DPP10: variants seen among roughly 807,000 people sequenced by gnomAD.
The protein encoded by DPP10 is dipeptidyl peptidase like 10.
In DPP10, 33 loss-of-function variants were observed where a neutral mutation model predicts 120.9. The observed-to-expected ratio is 0.27, with a 90% CI of 0.21 to 0.37. The LOEUF is 0.37. DPP10 is among the 10% of genes least tolerant of loss of function. The pLI is 1.00. For synonymous variants in DPP10, 337 were observed against 326.1 expected (o/e 1.03, Z -0.36); for missense variants, 816 against 942.8 (o/e 0.87, Z 1.76).
chr2:114,583,115 A>G (rs569302914), intron 1 of DPP10, among the ~76,000 whole-genome samples: 90 of 152,278 alleles, frequency 5.9e-4, no homozygotes, highest in Admixed American at 1.5e-3. Context: ...CTTTCTCTAT[A>G]TTAGCCTGTT....
intron 1 of DPP10, chr2:115,066,630 T>A (rs1309812393): frequency 6.6e-6 from 1 of 152,180 alleles, no homozygotes; most frequent in Non-Finnish European, 1.5e-5. Context: ...AATGGCCACC[T>A]GTCCCTAATA....
chr2:114,496,524 G>A (rs1314296363), intron 1 of DPP10, among the ~76,000 whole-genome samples: 1 of 152,080 alleles, frequency 6.6e-6, no homozygotes, highest in Non-Finnish European at 1.5e-5. Context: ...GTCCTCATAA[G>A]GTAGAAGTGC....
At chr2:115,651,551 A>G (rs553832865) in intron 5 of DPP10, among the ~76,000 whole-genome samples, 19 of 152,070 alleles carry the variant, frequency 1.2e-4, no homozygotes, top group Non-Finnish European at 2.2e-4. Flanking sequence ...ATCATTAGGA[A>G]TGGCTTAGAC....
intron 1 of DPP10, chr2:115,066,574 C>A (rs2105424143): frequency 6.6e-6 from 1 of 152,122 alleles, no homozygotes; most frequent in Non-Finnish European, 1.5e-5. Flanking sequence ...GCAATGGTAA[C>A]AACAAACTGT....
intron 11 of DPP10, among the ~76,000 whole-genome samples, chr2:115,756,819 G>A (rs935519428): frequency 6.6e-6 from 1 of 152,062 alleles, no homozygotes; most frequent in Admixed American, 6.6e-5. Flanking sequence ...AGATCGAGAG[G>A]TTGGCATCTG....
intron 1 of DPP10, chr2:115,144,322 G>A (rs1404231583): frequency 6.6e-6 from 1 of 152,100 alleles, no homozygotes; most frequent in African/African-American, 2.4e-5. Context: ...AATGTATCTT[G>A]TTCTTTGGCC....
At chr2:114,764,921 T>C (rs778940695) in intron 1 of DPP10, among the ~76,000 whole-genome samples, 1 of 152,190 alleles carries the variant, frequency 6.6e-6, no homozygotes, top group Non-Finnish European at 1.5e-5. Flanking sequence ...CTAGTTATTG[T>C]GACCTTGAGG....
intron 5 of DPP10, among the ~76,000 whole-genome samples, chr2:115,673,985 G>A (rs894914442): frequency 1.3e-5 from 2 of 152,210 alleles, no homozygotes; most frequent in Non-Finnish European, 2.9e-5. Context: ...ACCAAGGCGG[G>A]TGGATCACCT....
At chr2:114,663,604 TA>T (rs1241904167) in intron 1 of DPP10, among the ~76,000 whole-genome samples, 3 of 148,322 alleles carry the variant, frequency 2.0e-5, no homozygotes, top group Non-Finnish European at 4.4e-5. Context: ...TGTATGTACA[TA>T]TGTATATACA....
At chr2:114,473,194 C>T (rs1680078542) in intron 1 of DPP10, among the ~76,000 whole-genome samples, 2 of 152,060 alleles carry the variant, frequency 1.3e-5, no homozygotes, top group African/African-American at 4.8e-5. Context: ...TTATCTCTGG[C>T]AGTGAACAAT....
intron 3 of DPP10, among the ~76,000 whole-genome samples, chr2:115,477,595 T>A (rs2075168707): frequency 6.6e-6 from 1 of 152,138 alleles, no homozygotes; most frequent in Admixed American, 6.5e-5. Flanking sequence ...ATACACAGAT[T>A]AATGTAGTCC....
chr2:114,553,042 C>G (rs1473868361), intron 1 of DPP10, among the ~76,000 whole-genome samples: 3 of 152,178 alleles, frequency 2.0e-5, no homozygotes, highest in Non-Finnish European at 1.5e-5. Context: ...AGTCAATGCT[C>G]CCAGATGCAG....
At chr2:115,570,627 G>A (rs1425351326) in intron 5 of DPP10, among the ~76,000 whole-genome samples, 1 of 152,146 alleles carries the variant, frequency 6.6e-6, no homozygotes, top group African/African-American at 2.4e-5. Flanking sequence ...AGTTAATGCT[G>A]TGTGGTGTTG....
intron 1 of DPP10, among the ~76,000 whole-genome samples, chr2:114,766,795 G>A (rs905186769): frequency 1.3e-5 from 2 of 152,170 alleles, no homozygotes; most frequent in African/African-American, 4.8e-5. Context: ...ATAGGGGTAG[G>A]ATTTGAATAT....
chr2:115,116,403 CTTTA>C (rs1294646459), intron 1 of DPP10, among the ~76,000 whole-genome samples: 3 of 152,158 alleles, frequency 2.0e-5, no homozygotes, highest in African/African-American at 7.2e-5. Context: ...CATCTATCAT[CTTTA>C]TTTATAGATG....
At chr2:114,936,490 G>A (rs1436805072) in intron 1 of DPP10, among the ~76,000 whole-genome samples, 1 of 151,572 alleles carries the variant, frequency 6.6e-6, no homozygotes, top group Non-Finnish European at 1.5e-5. Context: ...TCCACTAGTT[G>A]ATTGATGGGC....
At chr2:114,569,430 G>A (rs1470836385) in intron 1 of DPP10, among the ~76,000 whole-genome samples, 1 of 150,764 alleles carries the variant, frequency 6.6e-6, no homozygotes, top group Admixed American at 6.6e-5. Flanking sequence ...CATAAGAGAC[G>A]CTCTGAACAA....
intron 1 of DPP10, among the ~76,000 whole-genome samples, chr2:115,244,639 T>C (rs2058448160): frequency 6.6e-6 from 1 of 152,008 alleles, no homozygotes; most frequent in African/African-American, 2.4e-5. Context: ...TGCTTAGTCG[T>C]GTACCTTACA....
At chr2:115,791,573 G>A (rs556475807) in intron 19 of DPP10, among the ~76,000 whole-genome samples, 4 of 152,122 alleles carry the variant, frequency 2.6e-5, no homozygotes, top group Non-Finnish European at 5.9e-5. Flanking sequence ...CATGGAGTTT[G>A]GTGCTACTGC....
Sources: gnomAD v4.1 joint callset for allele counts (sites outside exome capture counted in the v4.1 genomes callset) on GRCh38, gnomAD v4.1.1 for gene constraint, MANE v1.5 for transcripts, NCBI Gene and HGNC (gene_info 2026-07-23, HGNC 2026-07-21) for gene names.